SMC1A: variants seen among roughly 807,000 people sequenced by gnomAD.
The protein encoded by SMC1A is structural maintenance of chromosomes 1A.
A neutral mutation model predicts 94.5 loss-of-function variants in SMC1A; 4 were observed. That is an observed-to-expected ratio of 0.04 (90% CI 0.02 to 0.10). The LOEUF (loss-of-function observed/expected upper bound fraction) is 0.10. Ranked by LOEUF, SMC1A falls within the 10% of genes least tolerant of loss-of-function variation. The probability of loss-of-function intolerance (pLI) is 1.00; values close to 1 mark genes in which losing one functional copy is unlikely to be tolerated. For missense variants in SMC1A, 304 were observed against 989.0 expected, an observed-to-expected ratio of 0.31 and a Z score of 9.29; for synonymous variants, 345 against 347.7, an observed-to-expected ratio of 0.99 and a Z score of 0.09.
intron 16 of SMC1A, among the ~76,000 whole-genome samples, chrX:53,397,997 C>T (rs1254729213): frequency 9.2e-6 from 1 of 108,575 alleles, no homozygotes; most frequent in Non-Finnish European, 1.9e-5. Flanking sequence ...ACCAGCCTGG[C>T]GAACATTGTG....
chrX:53,404,320 C>G (rs1177164697), intron 13 of SMC1A, among the ~76,000 whole-genome samples: 1 of 106,755 alleles, frequency 9.4e-6, no homozygotes, highest in African/African-American at 3.4e-5. Context: ...ACAGTCCCCC[C>G]CCGCCCCGCC....
In SMC1A at chrX:53,376,859, T is replaced by C. The variant is rs782191527; in HGVS notation, c.*3244A>G. ...GAGCTCCTCAAAGGCAGGATAAAGA[T>C]TTGACTCATCTTTGTGTTCCTGGTG... On this transcript the variant is annotated 3_prime_UTR_variant, in exon 25 of 25. Coordinates refer to ENST00000322213, the MANE Select transcript of SMC1A (RefSeq NM_006306.4). The C allele has an allele frequency of 8.9e-6, 1 of 112,199 alleles. No individual in the cohort carries two copies. Among genetic ancestry groups the C allele is most frequent in the African/African-American group, 3.2e-5 (1 of 30,899 alleles). 9.2% of individuals were successfully genotyped at this position (112,199 alleles called of 1,213,427 possible).
At chrX:53,380,282 T>C (rs1478756493) in intron 24 of SMC1A, 96 bp from the exon 25 acceptor site, 3 of 615,307 alleles carry the variant, frequency 4.9e-6, no homozygotes, top group Non-Finnish European at 8.0e-6. Context: ...CCCTCCTCCC[T>C]ACATACCTGC....
intron 19 of SMC1A, among the ~76,000 whole-genome samples, chrX:53,386,593 G>T (rs782724197): frequency 1.3e-4 from 14 of 111,358 alleles, no homozygotes; most frequent in Middle Eastern, 9.2e-3. Flanking sequence ...AAAACTGCAA[G>T]TAATGGGAGG....
chrX:53,376,912 T>C lies in SMC1A; in HGVS notation c.*3191A>G, dbSNP rs190368599. ...CAACACTGTGATTTCCAGAGGGAAG[T>C]GCCCAGTTAAACTTAAGATACTGTT... On this transcript the variant is annotated 3_prime_UTR_variant, in exon 25 of 25. Coordinates refer to ENST00000322213, the MANE Select transcript of SMC1A (RefSeq NM_006306.4). 9.8e-5 allele frequency: 11 copies of C among 112,109 alleles called. No homozygotes were observed. The highest frequency in any genetic ancestry group is 1.9e-4 in the Non-Finnish European group (10 of 53,198). 9.2% of individuals were successfully genotyped at this position (112,109 alleles called of 1,213,427 possible). A position where few individuals can be genotyped will look rare whatever the true frequency, so the allele number is the denominator to read the frequency against.
intron 9 of SMC1A, 146 bp from the exon 10 acceptor site, chrX:53,406,102 C>A: frequency 1.8e-6 from 1 of 563,866 alleles, no homozygotes; most frequent in Non-Finnish European, 3.0e-6. Context: ...TAAGATAACC[C>A]AATACCAAGC....
Position 53,383,184 on chromosome X carries a change from T to A in SMC1A, c.3043A>T (p.Ser1015Cys). ...TLQQKLNEQQSVLQRIAAPNM... is the reference protein window; with the variant it reads ...TLQQKLNEQQCVLQRIAAPNM... ...GGGGCGGCAATACGCTGAAGCACAC[T>A]CTGCTGCTCATTCAGCTTCTGCTGC... Residue 1015 changes from serine to cysteine, a missense_variant, in exon 20 of 25, where the codon AGT (serine) becomes TGT (cysteine). Transcript: ENST00000322213. The A allele has an allele frequency of 8.3e-7, 1 of 1,198,392 alleles. No homozygotes were observed. Among genetic ancestry groups the A allele is most frequent in the Non-Finnish European group, 1.1e-6 (1 of 887,295 alleles).
chrX:53,404,700 G>A (rs2075684464), intron 13 of SMC1A, among the ~76,000 whole-genome samples: 1 of 111,219 alleles, frequency 9.0e-6, no homozygotes, highest in Non-Finnish European at 1.9e-5. Context: ...GGCCAGGCTG[G>A]TCTCCAACTC....
rs112088716 is a variant in SMC1A, at chrX:53,381,976, C to T, written c.3437+256G>A. ...GAAAGGGATTATTAGCCAGCAACCT[C>T]GTGAGCAAAAGCCTGGAGGCGGAAC... On this transcript the variant is annotated intron_variant, in intron 22 of 24. Coordinates refer to ENST00000322213, the MANE Select transcript of SMC1A (RefSeq NM_006306.4). 4,140 of 427,827 alleles carry T rather than the reference C, an allele frequency of 9.7e-3. 146 individuals carry two copies. The highest frequency in any genetic ancestry group is 0.093 in the African/African-American group (3,766 of 40,279). 35.3% of individuals were successfully genotyped at this position (427,827 alleles called of 1,213,427 possible).
chrX:53,385,263 T>G (rs1260184460), intron 19 of SMC1A, among the ~76,000 whole-genome samples: 3 of 107,673 alleles, frequency 2.8e-5, no homozygotes, highest in African/African-American at 6.7e-5. Flanking sequence ...TAGGTTTTTT[T>G]TTTTTTTTTT....
chrX:53,385,256 GTTT>G (rs59355116), intron 19 of SMC1A, among the ~76,000 whole-genome samples: 1 of 88,418 alleles, frequency 1.1e-5, no homozygotes, highest in African/African-American at 4.0e-5. Context: ...TCCAGAATAG[GTTT>G]TTTTTTTTTT....
rs1426362711 is a variant in SMC1A at position 53,403,142 on chromosome X, A to C, written c.2420+424T>G. Among the ~76,000 whole-genome samples, 10 of 85,632 alleles carry C rather than the reference A, an allele frequency of 1.2e-4. No individual in the cohort carries two copies. In the Admixed American group the frequency reaches 1.3e-3, roughly 12 times the overall value. 74.4% of individuals were successfully genotyped at this position (85,632 alleles called of 115,157 possible). A position where few individuals can be genotyped will look rare whatever the true frequency, so the allele number is the denominator to read the frequency against. On this transcript the variant is annotated intron_variant, in intron 15 of 24. Transcript: ENST00000322213. The stretch of plus-strand genomic sequence containing the variant: ...AAGGTCAAGATTGACACTGCACTCC[A>C]GTCTCGGAAACAGAGTGAGATCCTG...
At position 53,378,077 on chromosome X, in the gene SMC1A, T is replaced by C; in HGVS notation, c.*2026A>G. 8.9e-6 allele frequency: 1 copy of C among 112,233 alleles called. No individual in the cohort carries two copies. Among genetic ancestry groups the C allele is most frequent in the East Asian group, 2.8e-4 (1 of 3,612 alleles). The allele number at this position is 112,233 out of a possible 1,213,427, so 9.2% of individuals were successfully genotyped here. A position where few individuals can be genotyped will look rare whatever the true frequency, so the allele number is the denominator to read the frequency against. On this transcript the variant is annotated 3_prime_UTR_variant, in exon 25 of 25. Transcript: ENST00000322213. The stretch of plus-strand genomic sequence containing the variant: ...CAGATATCACTACTTGGGATGAAAA[T>C]GATATAGGATAACAATGTTAGACCT...
intron 7 of SMC1A, among the ~76,000 whole-genome samples, chrX:53,410,266 AG>A (rs1556890308): frequency 9.0e-6 from 1 of 111,359 alleles, no homozygotes; most frequent in Non-Finnish European, 1.9e-5. Context: ...AGGCCAAGGC[AG>A]GCTGATCGCA....
chrX:53,412,386 GCCCCACAGAT>G, intron 5 of SMC1A, 133 bp from the exon 6 acceptor site: 1 of 629,122 alleles, frequency 1.6e-6, no homozygotes, highest in Non-Finnish European at 2.5e-6. Context: ...TGGGCGTAAT[GCCCCACAGAT>G]CCTGAAAAAA....
rs1014587338 is a variant in SMC1A at position 53,398,295 on chromosome X, C to A, written c.2562+1294G>T. On this transcript the variant is annotated intron_variant, in intron 16 of 24. Transcript: ENST00000322213. ...CAAACATAGGCAGACATAAGTCAAACAATAAGTTCAAACCAAGAGAAGGCC... is the reference window on the plus strand; with the variant it reads ...CAAACATAGGCAGACATAAGTCAAAAAATAAGTTCAAACCAAGAGAAGGCC... 2.8e-5 allele frequency among the ~76,000 whole-genome samples: 3 copies of A among 108,132 alleles called. No homozygotes were observed. The East Asian group carries it at 8.7e-4, about 32-fold the overall frequency. 93.9% of individuals were successfully genotyped at this position (108,132 alleles called of 115,157 possible). A position where few individuals can be genotyped will look rare whatever the true frequency, so the allele number is the denominator to read the frequency against.
chrX:53,419,040 C>CA (rs34765834), intron 1 of SMC1A, among the ~76,000 whole-genome samples: 2,139 of 36,219 alleles, frequency 0.059, 105 homozygotes, highest in African/African-American at 0.11. Flanking sequence ...GACTCTGTCT[C>CA]AAAAAAAAAA....
intron 19 of SMC1A, among the ~76,000 whole-genome samples, chrX:53,388,552 C>A (rs2075614121): frequency 1.9e-5 from 2 of 107,476 alleles, no homozygotes; most frequent in South Asian, 8.1e-4. Flanking sequence ...ATTTTGAAGA[C>A]AGTACAAAAA....
At chrX:53,422,023 G>A in intron 1 of SMC1A, 1 of 1,210,085 alleles carries the variant, frequency 8.3e-7, no homozygotes, top group Non-Finnish European at 1.1e-6. Flanking sequence ...CCAATGCGAG[G>A]CGAGAGAGGA....
Sources: gnomAD v4.1 joint callset for allele counts (sites outside exome capture counted in the v4.1 genomes callset) on GRCh38, gnomAD v4.1.1 for gene constraint, MANE v1.5 for transcripts, NCBI Gene and HGNC (gene_info 2026-07-23, HGNC 2026-07-21) for gene names.